CADM2: variants seen among roughly 807,000 people sequenced by gnomAD.
CADM2 encodes cell adhesion molecule 2, also known as immunoglobulin superfamily member 4D.
Under a neutral mutation model 49.8 loss-of-function variants are expected in CADM2, and 12 were observed. The ratio of observed to expected loss-of-function variants is 0.24; its 90% CI spans 0.15 to 0.39. The LOEUF is 0.39. CADM2 is among the 10% of genes least tolerant of loss of function. The pLI is 1.00. For synonymous variants in CADM2, 214 were observed against 175.4 expected, an observed-to-expected ratio of 1.22 and a Z score of -1.74; for missense variants, 378 against 492.3, an observed-to-expected ratio of 0.77 and a Z score of 2.20.
chr3:85,502,663 T>G (rs1328246718), intron 1 of CADM2, among the ~76,000 whole-genome samples: 1 of 152,134 alleles, frequency 6.6e-6, no homozygotes, highest in Admixed American at 6.5e-5. Context: ...AATAAAACTC[T>G]GACAGATTAT....
At chr3:85,768,254 C>T (rs2069768629) in intron 2 of CADM2, among the ~76,000 whole-genome samples, 2 of 151,870 alleles carry the variant, frequency 1.3e-5, no homozygotes, top group African/African-American at 2.4e-5. Context: ...CATTACCAGC[C>T]TGGGCAACAC....
intron 8 of CADM2, chr3:85,979,373 A>T (rs1270205424): frequency 7.0e-7 from 1 of 1,419,972 alleles, no homozygotes; most frequent in African/African-American, 1.4e-5. Flanking sequence ...TTGAGATTCA[A>T]TTTTACTTAA....
At chr3:85,601,165 TATATATATACAC>T (rs1431060683) in intron 1 of CADM2, among the ~76,000 whole-genome samples, 4 of 78,338 alleles carry the variant, frequency 5.1e-5, no homozygotes, top group African/African-American at 1.7e-4. Flanking sequence ...TATATATATA[TATATATATACAC>T]ACACACACAC....
intron 1 of CADM2, among the ~76,000 whole-genome samples, chr3:85,145,310 C>T (rs1231737985): frequency 6.6e-6 from 1 of 152,154 alleles, no homozygotes. Flanking sequence ...GATTTTACAA[C>T]AATGCCATGC....
intron 1 of CADM2, among the ~76,000 whole-genome samples, chr3:85,067,829 A>T (rs550209717): frequency 1.3e-5 from 2 of 152,286 alleles, no homozygotes; most frequent in South Asian, 2.1e-4. Context: ...TCATTTAGTC[A>T]ATGTAATTTT....
chr3:85,342,807 G>A (rs1273022630), intron 1 of CADM2, among the ~76,000 whole-genome samples: 3 of 152,200 alleles, frequency 2.0e-5, no homozygotes, highest in African/African-American at 7.2e-5. Flanking sequence ...GTATTGTCAT[G>A]AAGATTTTTA....
In CADM2 at chr3:86,038,560, C is replaced by T. The variant is rs190303511; in HGVS notation, c.971-27045C>T. ...TTCAATATAGTTCCTGCACCTACTTCCCCTCACAGGCATGTGCATGGCCAG... is the reference window on the plus strand; with the variant it reads ...TTCAATATAGTTCCTGCACCTACTTTCCCTCACAGGCATGTGCATGGCCAG... On this transcript the variant is annotated intron_variant, in intron 8 of 9. Coordinates refer to ENST00000383699, the MANE Select transcript of CADM2 (RefSeq NM_001167675.2). 1.6e-3 allele frequency among the ~76,000 whole-genome samples: 240 copies of T among 152,296 alleles called. 2 individuals carry two copies. The highest frequency in any genetic ancestry group is 1.9e-3 in the Non-Finnish European group (129 of 68,022).
chr3:85,050,331 G>C (rs2035834931), intron 1 of CADM2, among the ~76,000 whole-genome samples: 1 of 151,944 alleles, frequency 6.6e-6, no homozygotes, highest in Non-Finnish European at 1.5e-5. Context: ...GCACAGCTCT[G>C]ACCTAAAATA....
At chr3:85,172,054 C>T (rs1490615156) in intron 1 of CADM2, among the ~76,000 whole-genome samples, 1 of 152,136 alleles carries the variant, frequency 6.6e-6, no homozygotes, top group Non-Finnish European at 1.5e-5. Context: ...AATGCATTAT[C>T]CTAATAAATT....
At chr3:85,821,988 G>C (rs917988909) in intron 3 of CADM2, among the ~76,000 whole-genome samples, 2 of 152,072 alleles carry the variant, frequency 1.3e-5, no homozygotes, top group Non-Finnish European at 2.9e-5. Context: ...TAAACACAAA[G>C]TTATGAGAGA....
intron 1 of CADM2, among the ~76,000 whole-genome samples, chr3:85,560,121 A>G (rs2062055599): frequency 6.6e-6 from 1 of 152,166 alleles, no homozygotes; most frequent in Non-Finnish European, 1.5e-5. Context: ...AATTATAGAA[A>G]AAAAAGTATG....
chr3:85,466,191 G>T (rs1007973340), intron 1 of CADM2, among the ~76,000 whole-genome samples: 2 of 152,240 alleles, frequency 1.3e-5, no homozygotes, highest in African/African-American at 4.8e-5. Context: ...TTCTGATTAT[G>T]TTAAAATCTC....
chr3:85,764,657 A>T (rs915742870), intron 2 of CADM2, among the ~76,000 whole-genome samples: 4 of 152,098 alleles, frequency 2.6e-5, no homozygotes, highest in Admixed American at 6.6e-5. Flanking sequence ...GTATTAAGAG[A>T]TGCATCAGCA....
chr3:85,568,409 T>TTTTCTTTCTTTCTTTCTCTCTC (rs1559915608), intron 1 of CADM2, among the ~76,000 whole-genome samples: 1 of 32,356 alleles, frequency 3.1e-5, no homozygotes, highest in Non-Finnish European at 6.7e-5. Context: ...CTTTCTTTCT[T>TTTTCTTTCTTTCTTTCTCTCTC]TCTTTCTTTC....
chr3:85,495,752 AAG>A (rs949995312), intron 1 of CADM2, among the ~76,000 whole-genome samples: 3 of 151,968 alleles, frequency 2.0e-5, no homozygotes, highest in African/African-American at 7.2e-5. Flanking sequence ...TGGCAAGAGT[AAG>A]AGAGAGATGC....
chr3:85,793,931 A>G (rs767233355), intron 2 of CADM2, among the ~76,000 whole-genome samples: 2 of 152,162 alleles, frequency 1.3e-5, no homozygotes, highest in Non-Finnish European at 2.9e-5. Context: ...AACTGCATCT[A>G]CCTAAAAAGG....
intron 1 of CADM2, among the ~76,000 whole-genome samples, chr3:85,469,255 T>G (rs970543412): frequency 2.0e-5 from 3 of 152,200 alleles, no homozygotes; most frequent in Non-Finnish European, 4.4e-5. Context: ...AATCAAATTA[T>G]CTGTGGAAAT....
At chr3:85,003,577 C>T (rs747883687) in intron 1 of CADM2, among the ~76,000 whole-genome samples, 3 of 152,028 alleles carry the variant, frequency 2.0e-5, no homozygotes, top group Non-Finnish European at 4.4e-5. Flanking sequence ...TTTATTATTA[C>T]CAATCTGTTA....
chr3:85,207,852 T>G (rs866145017), intron 1 of CADM2, among the ~76,000 whole-genome samples: 64 of 152,264 alleles, frequency 4.2e-4, no homozygotes, highest in African/African-American at 1.4e-3. Context: ...TGAAAGGAGT[T>G]TTTTTGTTTT....
Sources: allele counts gnomAD v4.1 joint callset (sites outside exome capture counted in the v4.1 genomes callset), GRCh38; gene constraint gnomAD v4.1.1; transcripts MANE v1.5; gene names NCBI Gene and HGNC (gene_info 2026-07-23, HGNC 2026-07-21).